The following PTPRE variants were observed in gnomAD, a reference collection of about 807,000 sequenced individuals.
PTPRE encodes the protein receptor-type tyrosine-protein phosphatase epsilon.
A neutral mutation model predicts 102.0 loss-of-function variants in PTPRE; 51 were observed. That is an observed-to-expected ratio of 0.50 (90% confidence interval 0.40 to 0.63). The LOEUF (loss-of-function observed/expected upper bound fraction) is 0.63. Among genes scored for constraint, PTPRE ranks in the 30% least tolerant of loss-of-function variants. PTPRE has a pLI of 0.00. For missense variants in PTPRE, 752 were observed against 915.1 expected, an observed-to-expected ratio of 0.82 and a Z score of 2.30; for synonymous variants, 345 against 348.2, an observed-to-expected ratio of 0.99 and a Z score of 0.10.
intron 2 of PTPRE, among the ~76,000 whole-genome samples, chr10:128,037,853 G>C (rs898429230): frequency 3.3e-5 from 5 of 152,150 alleles, no homozygotes; most frequent in African/African-American, 1.2e-4. Context: ...GTGCAGTGGT[G>C]CGATCTCGGC....
rs1220882495 is a variant in PTPRE, at chr10:128,065,965, G to A, written c.724-110G>A. On this transcript the variant is annotated intron_variant, in intron 10 of 20. Transcript: ENST00000254667. ...GTGAACTTGTTTCTCAGCTGTGGGA[G>A]CTGTGTGACTCCAGCTGGTGTGTGT... 8 of 1,490,260 alleles carry A rather than the reference G, an allele frequency of 5.4e-6. No homozygotes were observed. The African/African-American group carries it at 9.7e-5, about 18-fold the overall frequency. The allele number at this position is 1,490,260 out of a possible 1,614,324, so 92.3% of individuals were successfully genotyped here. A position where few individuals can be genotyped will look rare whatever the true frequency, so the allele number is the denominator to read the frequency against.
In PTPRE at chr10:128,030,005, A is replaced by G. The variant is rs545321145; in HGVS notation, c.-7-10870A>G. Among the ~76,000 whole-genome samples the G allele has an allele frequency of 5.3e-5, 8 of 152,352 alleles. No homozygotes were observed. In the East Asian group the frequency reaches 1.5e-3, roughly 29 times the overall value. The stretch of plus-strand genomic sequence containing the variant: ...CACAGGAGGATGAAAAACCTCAAAG[A>G]AAGACCCAGGGGGCAGACACAGGCA... On this transcript the variant is annotated intron_variant, in intron 2 of 20. Coordinates refer to ENST00000254667, the MANE Select transcript of PTPRE (RefSeq NM_006504.6).
At chr10:128,064,632 T>G (rs1849901149) in intron 10 of PTPRE, among the ~76,000 whole-genome samples, 1 of 152,206 alleles carries the variant, frequency 6.6e-6, no homozygotes, top group East Asian at 1.9e-4. Flanking sequence ...ACGCCCTCAC[T>G]TCCCTCTTTC....
chr10:127,965,088 A>G, intron 1 of PTPRE: 1 of 451,590 alleles, frequency 2.2e-6, no homozygotes, highest in South Asian at 1.6e-5. Flanking sequence ...AATTCAGTCC[A>G]ATTCCTTAAT....
intron 18 of PTPRE, among the ~76,000 whole-genome samples, chr10:128,077,238 T>G (rs1539599): frequency 6.6e-6 from 1 of 152,128 alleles, no homozygotes; most frequent in African/African-American, 2.4e-5. Flanking sequence ...AGAGCCACCC[T>G]GGCCACCAGA....
At chr10:127,999,453 C>A in intron 2 of PTPRE, 1 of 728,370 alleles carries the variant, frequency 1.4e-6, no homozygotes, top group Non-Finnish European at 1.7e-6. Flanking sequence ...TTCTTCCTCC[C>A]TGTGGGCTGT....
chr10:127,949,238 G>T (rs146761066), intron 1 of PTPRE, among the ~76,000 whole-genome samples: 2 of 152,236 alleles, frequency 1.3e-5, no homozygotes, highest in African/African-American at 4.8e-5. Flanking sequence ...ACCCTAATTA[G>T]AAGGGTTGAG....
intron 1 of PTPRE, among the ~76,000 whole-genome samples, chr10:127,927,544 G>A (rs1256185092): frequency 1.3e-5 from 2 of 152,208 alleles, no homozygotes; most frequent in Non-Finnish European, 2.9e-5. Context: ...GAGGGTAGTA[G>A]AGCTGGGATC....
intron 2 of PTPRE, among the ~76,000 whole-genome samples, chr10:127,992,631 C>T (rs186841982): frequency 6.6e-6 from 1 of 152,242 alleles, no homozygotes; most frequent in African/African-American, 2.4e-5. Context: ...AGGGCCAGAC[C>T]GCAGGCCTGG....
intron 2 of PTPRE, among the ~76,000 whole-genome samples, chr10:127,992,687 T>C (rs1320835236): frequency 2.0e-5 from 3 of 152,174 alleles, no homozygotes; most frequent in Non-Finnish European, 4.4e-5. Context: ...GCCAGACACC[T>C]GCTCTAGAAA....
intron 2 of PTPRE, among the ~76,000 whole-genome samples, chr10:128,038,504 G>C (rs149207103): frequency 6.6e-6 from 1 of 152,268 alleles, no homozygotes. Context: ...CATGTCCTTT[G>C]TAGGGACATG....
intron 1 of PTPRE, among the ~76,000 whole-genome samples, chr10:127,924,694 A>G (rs1846879488): frequency 6.6e-6 from 1 of 152,228 alleles, no homozygotes. Flanking sequence ...AACTGAGATA[A>G]CCCAGTTTAA....
At chr10:127,974,068 C>A (rs538738989) in intron 1 of PTPRE, among the ~76,000 whole-genome samples, 14 of 152,308 alleles carry the variant, frequency 9.2e-5, no homozygotes, top group Admixed American at 3.9e-4. Context: ...ATCACAGTGA[C>A]CTACTTTGCA....
intron 1 of PTPRE, among the ~76,000 whole-genome samples, chr10:127,962,871 C>T (rs762016275): frequency 3.3e-5 from 5 of 152,248 alleles, no homozygotes; most frequent in Admixed American, 6.5e-5. Context: ...GCTTAGGTCA[C>T]GCCCAGGTGC....
chr10:128,030,091 C>T (rs536102167), intron 2 of PTPRE, among the ~76,000 whole-genome samples: 30 of 152,342 alleles, frequency 2.0e-4, no homozygotes, highest in South Asian at 2.1e-4. Flanking sequence ...ACGGCAGAGG[C>T]TCCCCATGTG....
At chr10:128,055,112 C>T (rs575799593) in intron 6 of PTPRE, among the ~76,000 whole-genome samples, 7 of 152,158 alleles carry the variant, frequency 4.6e-5, no homozygotes, top group African/African-American at 7.2e-5. Flanking sequence ...CCGTACCTGG[C>T]GCACTGAGAC....
intron 1 of PTPRE, among the ~76,000 whole-genome samples, chr10:127,940,452 G>A (rs116462291): frequency 0.011 from 1,736 of 152,218 alleles, 29 homozygotes; most frequent in African/African-American, 0.039. Flanking sequence ...TCCCCTGCAT[G>A]CACCTCTCAT....
chr10:128,012,974 G>A (rs559977928), intron 2 of PTPRE, among the ~76,000 whole-genome samples: 3 of 152,138 alleles, frequency 2.0e-5, no homozygotes, highest in Non-Finnish European at 4.4e-5. Context: ...AGTAAAATCA[G>A]CATTTCTTTA....
chr10:128,059,392 G>A (rs1443186018), intron 7 of PTPRE, among the ~76,000 whole-genome samples: 2 of 152,176 alleles, frequency 1.3e-5, no homozygotes, highest in African/African-American at 4.8e-5. Context: ...AACCATCGGA[G>A]GTCGCAGGCC....
Sources: allele counts gnomAD v4.1 joint callset (sites outside exome capture counted in the v4.1 genomes callset), GRCh38; gene constraint gnomAD v4.1.1; transcripts MANE v1.5; gene names NCBI Gene and HGNC (gene_info 2026-07-23, HGNC 2026-07-21).